Variants in GSAP observed in about 807,000 individuals in gnomAD.
GSAP encodes the protein gamma-secretase-activating protein.
Under a neutral mutation model 131.7 loss-of-function variants are expected in GSAP, and 118 were observed. The ratio of observed to expected loss-of-function variants is 0.90; its 90% CI spans 0.77 to 1.04. The LOEUF is 1.04. Ranked by LOEUF, GSAP falls within the 50% of genes least tolerant of loss-of-function variation. The pLI is 0.00. For missense variants in GSAP, 1,019 were observed against 1,013.2 expected, an observed-to-expected ratio of 1.01 and a Z score of -0.08; for synonymous variants, 381 against 363.4, an observed-to-expected ratio of 1.05 and a Z score of -0.55.
At chr7:77,412,114 G>A (rs1803396570) in intron 1 of GSAP, among the ~76,000 whole-genome samples, 1 of 152,204 alleles carries the variant, frequency 6.6e-6, no homozygotes, top group Non-Finnish European at 1.5e-5. Context: ...GGGAGGTGGA[G>A]GTTGCAGTGA....
At chr7:77,389,328 GT>G (rs112764794) in intron 5 of GSAP, among the ~76,000 whole-genome samples, 94 of 128,794 alleles carry the variant, frequency 7.3e-4, no homozygotes, top group African/African-American at 3.6e-3. Context: ...GTTTTGTTTT[GT>G]TTTTTGTTTC....
At chr7:77,347,909 T>TACA (rs1188024928) in intron 19 of GSAP, among the ~76,000 whole-genome samples, 1 of 149,530 alleles carries the variant, frequency 6.7e-6, no homozygotes, top group Non-Finnish European at 1.5e-5. Flanking sequence ...CCTAGCACTC[T>TACA]AAGAGGCTAA....
At chr7:77,399,169 A>G (rs1800912896) in intron 3 of GSAP, among the ~76,000 whole-genome samples, 1 of 152,210 alleles carries the variant, frequency 6.6e-6, no homozygotes, top group African/African-American at 2.4e-5. Context: ...CTAGGTCAAT[A>G]GGTGTGCAAG....
In GSAP at chr7:77,381,435, A is replaced by G. The variant is rs968622535; in HGVS notation, c.527-81T>C. The G allele has an allele frequency of 9.1e-6, 6 of 661,046 alleles. No homozygotes were observed. In the African/African-American group the frequency reaches 9.4e-5, roughly 10 times the overall value. 40.9% of individuals were successfully genotyped at this position (661,046 alleles called of 1,614,324 possible). A position where few individuals can be genotyped will look rare whatever the true frequency, so the allele number is the denominator to read the frequency against. On this transcript the variant is annotated intron_variant, in intron 7 of 30. Transcript: ENST00000257626. ...ATTTTTGCCTAACTCTTGTAAAAAC[A>G]TTGTTATAAAAGCAATGCAGATTGA...
intron 22 of GSAP, among the ~76,000 whole-genome samples, chr7:77,327,669 C>T (rs1233106940): frequency 6.6e-6 from 1 of 152,188 alleles, no homozygotes; most frequent in Non-Finnish European, 1.5e-5. Context: ...TCATGAGGCA[C>T]GAAAGTGTTC....
intron 1 of GSAP, 137 bp downstream of exon 1, chr7:77,416,076 G>A (rs754989659): frequency 3.3e-5 from 17 of 512,816 alleles, no homozygotes; most frequent in Non-Finnish European, 5.0e-5. Context: ...AGCCCTCTGA[G>A]GAGGGGAGCG....
At chr7:77,333,965 T>C (rs1159334298) in intron 19 of GSAP, among the ~76,000 whole-genome samples, 1 of 152,192 alleles carries the variant, frequency 6.6e-6, no homozygotes, top group Non-Finnish European at 1.5e-5. Flanking sequence ...TTCACACTGT[T>C]GGTGGGAATG....
intron 6 of GSAP, among the ~76,000 whole-genome samples, chr7:77,385,109 C>G (rs1584649933): frequency 6.6e-6 from 1 of 151,510 alleles, no homozygotes; most frequent in African/African-American, 2.4e-5. Context: ...TCTTGGCTCA[C>G]TGCAACCTCT....
At chr7:77,359,221 A>C (rs1056997586) in intron 14 of GSAP, among the ~76,000 whole-genome samples, 1 of 152,032 alleles carries the variant, frequency 6.6e-6, no homozygotes, top group African/African-American at 2.4e-5. Flanking sequence ...AGAAACTATT[A>C]ATAATCTAGT....
At chr7:77,383,873 C>T (rs1267364337) in intron 6 of GSAP, among the ~76,000 whole-genome samples, 4 of 152,160 alleles carry the variant, frequency 2.6e-5, no homozygotes, top group Non-Finnish European at 5.9e-5. Context: ...TTTATTATTT[C>T]CTAGTGTCCT....
chr7:77,370,742 C>G (rs1206857029), intron 12 of GSAP, among the ~76,000 whole-genome samples: 1 of 152,126 alleles, frequency 6.6e-6, no homozygotes, highest in Non-Finnish European at 1.5e-5. Flanking sequence ...TTCTCAATTC[C>G]CATATGCCAC....
intron 3 of GSAP, among the ~76,000 whole-genome samples, chr7:77,399,707 G>C (rs892137401): frequency 6.6e-6 from 1 of 152,048 alleles, no homozygotes; most frequent in African/African-American, 2.4e-5. Context: ...TTGAGGTGGG[G>C]GGGGGCGGGG....
chr7:77,388,340 T>C (rs1222618658), intron 5 of GSAP, among the ~76,000 whole-genome samples: 1 of 152,244 alleles, frequency 6.6e-6, no homozygotes, highest in African/African-American at 2.4e-5. Context: ...TAAAAAGATT[T>C]CTGATACATG....
intron 6 of GSAP, among the ~76,000 whole-genome samples, chr7:77,385,584 T>C (rs1798446777): frequency 6.6e-6 from 1 of 152,286 alleles, no homozygotes; most frequent in East Asian, 1.9e-4. Context: ...AGAAGTGTGC[T>C]CTGTCCCCAG....
At chr7:77,319,923 C>T (rs1787398567) in intron 26 of GSAP, among the ~76,000 whole-genome samples, 1 of 152,116 alleles carries the variant, frequency 6.6e-6, no homozygotes, top group Admixed American at 6.5e-5. Context: ...AAAGTTTCAG[C>T]TATGAAAGAT....
chr7:77,315,206 A>G (rs1399907542), intron 26 of GSAP: 2 of 152,272 alleles, frequency 1.3e-5, no homozygotes, highest in African/African-American at 4.8e-5. Context: ...GCTTCAAAGG[A>G]CAGATGCAAT....
At chr7:77,363,529 A>C (rs148202269) in intron 12 of GSAP, among the ~76,000 whole-genome samples, 1 of 152,210 alleles carries the variant, frequency 6.6e-6, no homozygotes, top group Non-Finnish European at 1.5e-5. Flanking sequence ...TTCAATCGCT[A>C]CTCTACTTCA....
At position 77,355,572 on chromosome 7, in the gene GSAP, T is replaced by C; in HGVS notation, c.1103A>G (p.His368Arg). Reference protein sequence around the residue: ...LNVQHPDLICHNLFLTGNNEM... With the variant: ...LNVQHPDLICRNLFLTGNNEM... ...AGCCGTACCTGTCAGAAAGAGATTG[T>C]GGCAGATCAGGTCTGGATGTTGAAC... The change falls in exon 15 of 31, where the codon CAC becomes CGC. Residue 368 changes from histidine (H) to arginine (R), a missense_variant. Coordinates refer to ENST00000257626, the MANE Select transcript of GSAP (RefSeq NM_017439.4). 6.2e-7 allele frequency: 1 copy of C among 1,609,610 alleles called. No individual in the cohort carries two copies. Among genetic ancestry groups the C allele is most frequent in the South Asian group, 1.1e-5 (1 of 90,968 alleles).
chr7:77,339,277 C>T (rs1234210740), intron 19 of GSAP, among the ~76,000 whole-genome samples: 3 of 152,002 alleles, frequency 2.0e-5, no homozygotes, highest in Admixed American at 1.3e-4. Context: ...TGGTATTACG[C>T]GAGCAGAGAT....
Sources: allele counts gnomAD v4.1 joint callset (sites outside exome capture counted in the v4.1 genomes callset), GRCh38; gene constraint gnomAD v4.1.1; transcripts MANE v1.5; gene names NCBI Gene and HGNC (gene_info 2026-07-23, HGNC 2026-07-21).